Variants in GDPD4 observed in about 807,000 individuals in gnomAD.
GDPD4 encodes glycerophosphodiester phosphodiesterase 6.
In GDPD4, 60 loss-of-function variants were observed where a neutral mutation model predicts 67.8. The observed-to-expected ratio is 0.88, with a 90% CI of 0.72 to 1.10. The LOEUF (loss-of-function observed/expected upper bound fraction) is 1.10, where lower values mean the gene tolerates loss of function less well. Ranked by LOEUF, GDPD4 falls within the 50% of genes least tolerant of loss-of-function variation. The probability of loss-of-function intolerance (pLI) is 0.00; values close to 1 mark genes in which losing one functional copy is unlikely to be tolerated. For synonymous variants in GDPD4, 212 were observed against 210.9 expected, an observed-to-expected ratio of 1.00 and a Z score of -0.04; for missense variants, 623 against 613.9, an observed-to-expected ratio of 1.01 and a Z score of -0.16.
chr11:77,236,639 A>T (rs1958573446), intron 13 of GDPD4, among the ~76,000 whole-genome samples: 1 of 152,214 alleles, frequency 6.6e-6, no homozygotes, highest in South Asian at 2.1e-4. Flanking sequence ...TAAACAAGGG[A>T]CATTTCATAA....
chr11:77,288,959 T>C (rs1376818329), intron 1 of GDPD4, among the ~76,000 whole-genome samples: 1 of 151,530 alleles, frequency 6.6e-6, no homozygotes, highest in Non-Finnish European at 1.5e-5. Flanking sequence ...AAGGAGATAT[T>C]AGTTCAGAAC....
intron 16 of GDPD4, among the ~76,000 whole-genome samples, chr11:77,221,580 C>T (rs1196568314): frequency 1.3e-5 from 2 of 152,216 alleles, no homozygotes; most frequent in Non-Finnish European, 2.9e-5. Context: ...AATTTGATTG[C>T]ACTGTGGTCT....
At chr11:77,221,138 C>T (rs1487740266) in intron 16 of GDPD4, among the ~76,000 whole-genome samples, 1 of 151,954 alleles carries the variant, frequency 6.6e-6, no homozygotes, top group South Asian at 2.1e-4. Flanking sequence ...ATTGATTCTT[C>T]TCTATTATTC....
Position 77,243,688 on chromosome 11 carries a change from ACTTAC to A in GDPD4, c.1241+1_1241+5del, listed in dbSNP as rs538219375. On this transcript the variant is annotated splice_donor_variant and splice_donor_5th_base_variant and intron_variant, in intron 13 of 16. Transcript: ENST00000315938. LOFTEE classifies it high-confidence loss of function. The stretch of plus-strand genomic sequence containing the variant: ...TGTGCCAAGAGAGGTGTGGTCAAAC[ACTTAC>A]CTTAACCCATTAGGGAACAACTTCT... 179 of 1,609,294 alleles carry A rather than the reference ACTTAC, an allele frequency of 1.1e-4. No individual in the cohort carries two copies. In the African/African-American group the frequency reaches 2.1e-3, roughly 19 times the overall value.
Position 77,257,382 on chromosome 11 carries a change from A to G in GDPD4, c.864+1004T>C, listed in dbSNP as rs188134545. Among the ~76,000 whole-genome samples, 19 of 152,238 alleles carry G rather than the reference A, an allele frequency of 1.2e-4. No individual in the cohort carries two copies. The East Asian group carries it at 3.5e-3, about 28-fold the overall frequency. On this transcript the variant is annotated intron_variant, in intron 11 of 16. Transcript: ENST00000315938. Reference sequence around the variant, plus strand: ...TTATCAAATGCAATTCTGACTTTTTACCCACTTAAAAACACTCAAGGATAA... The same window carrying G: ...TTATCAAATGCAATTCTGACTTTTTGCCCACTTAAAAACACTCAAGGATAA...
At chr11:77,297,444 G>A (rs1035067495) in intron 1 of GDPD4, among the ~76,000 whole-genome samples, 1 of 150,878 alleles carries the variant, frequency 6.6e-6, no homozygotes, top group African/African-American at 2.4e-5. Flanking sequence ...GCTGAGGCAG[G>A]AGAATGGCGT....
chr11:77,268,828 T>C, intron 9 of GDPD4, 96 bp downstream of exon 9: 1 of 1,309,112 alleles, frequency 7.6e-7, no homozygotes, highest in South Asian at 1.4e-5. Context: ...GCAATCACTT[T>C]TTCTCTCCAG....
At chr11:77,234,671 A>G (rs1958516531) in intron 13 of GDPD4, among the ~76,000 whole-genome samples, 1 of 152,160 alleles carries the variant, frequency 6.6e-6, no homozygotes, top group African/African-American at 2.4e-5. Context: ...TGCAAAGGAC[A>G]TGATTTCATT....
intron 10 of GDPD4, among the ~76,000 whole-genome samples, chr11:77,263,833 T>G (rs1286052950): frequency 6.6e-6 from 1 of 152,170 alleles, no homozygotes; most frequent in Non-Finnish European, 1.5e-5. Context: ...CACACATACT[T>G]GTTATGTGTG....
intron 16 of GDPD4, among the ~76,000 whole-genome samples, chr11:77,223,186 T>C (rs924089336): frequency 2.0e-5 from 3 of 152,188 alleles, no homozygotes; most frequent in African/African-American, 7.2e-5. Context: ...TGGAGAAGTT[T>C]GTTATTACCG....
intron 1 of GDPD4, among the ~76,000 whole-genome samples, chr11:77,299,838 G>A (rs1466339237): frequency 6.6e-6 from 1 of 152,148 alleles, no homozygotes; most frequent in Non-Finnish European, 1.5e-5. Context: ...TGAACACAAA[G>A]AATGTAACTA....
At chr11:77,244,498 G>T (rs966698217) in intron 12 of GDPD4, among the ~76,000 whole-genome samples, 2 of 152,120 alleles carry the variant, frequency 1.3e-5, no homozygotes. Context: ...GATAGATATG[G>T]GTGAATAGTG....
At chr11:77,273,314 A>T (rs1226397188) in intron 5 of GDPD4, among the ~76,000 whole-genome samples, 2 of 152,102 alleles carry the variant, frequency 1.3e-5, no homozygotes, top group African/African-American at 4.8e-5. Flanking sequence ...TTGCCAATAA[A>T]ATCAGTCTCT....
chr11:77,248,066 A>AAG (rs1012710757), intron 11 of GDPD4, among the ~76,000 whole-genome samples: 8 of 151,402 alleles, frequency 5.3e-5, no homozygotes, highest in African/African-American at 1.5e-4. Context: ...AAAAAAAAAA[A>AAG]AAAAAGAAAA....
At chr11:77,280,110 A>G (rs1045367992) in intron 3 of GDPD4, among the ~76,000 whole-genome samples, 1 of 152,162 alleles carries the variant, frequency 6.6e-6, no homozygotes, top group Non-Finnish European at 1.5e-5. Context: ...AGAAACAAAC[A>G]GGCAAAGAGC....
At chr11:77,260,323 G>A (rs550392604) in intron 10 of GDPD4, among the ~76,000 whole-genome samples, 12 of 149,562 alleles carry the variant, frequency 8.0e-5, no homozygotes, top group African/African-American at 3.0e-4. Flanking sequence ...AAAAATGGTC[G>A]GGGGAGGGGG....
intron 10 of GDPD4, 101 bp from the exon 11 acceptor site, chr11:77,258,643 C>G: frequency 1.0e-6 from 1 of 1,001,852 alleles, no homozygotes; most frequent in Non-Finnish European, 1.6e-6. Flanking sequence ...ACAAGTGTCA[C>G]TAGGGCTCCT....
intron 13 of GDPD4, among the ~76,000 whole-genome samples, chr11:77,238,309 C>T (rs1252780385): frequency 6.6e-6 from 1 of 152,062 alleles, no homozygotes; most frequent in Non-Finnish European, 1.5e-5. Flanking sequence ...TTAGGCTGGG[C>T]GTGGTGGCTC....
chr11:77,262,843 T>G (rs1428760965), intron 10 of GDPD4, among the ~76,000 whole-genome samples: 1 of 130,050 alleles, frequency 7.7e-6, no homozygotes, highest in African/African-American at 3.1e-5. Flanking sequence ...TCACTAAATC[T>G]TTCTCTGCTG....
Sources: gnomAD v4.1 joint callset for allele counts (sites outside exome capture counted in the v4.1 genomes callset) on GRCh38, gnomAD v4.1.1 for gene constraint, MANE v1.5 for transcripts, NCBI Gene and HGNC (gene_info 2026-07-23, HGNC 2026-07-21) for gene names.